VEPH1: variants seen among roughly 807,000 people sequenced by gnomAD.
VEPH1 encodes ventricular zone expressed PH domain containing 1, also known as ventricular zone-expressed PH domain-containing protein homolog 1.
VEPH1 carries 80 observed loss-of-function variants against 85.2 expected under a neutral mutation model. The observed-to-expected ratio is 0.94, with a 90% CI of 0.78 to 1.13. The LOEUF (loss-of-function observed/expected upper bound fraction) is 1.13. Ranked by LOEUF, VEPH1 falls within the 50% of genes most tolerant of loss-of-function variation. The pLI is 0.00. For missense variants in VEPH1, 955 were observed against 980.5 expected, an observed-to-expected ratio of 0.97 and a Z score of 0.35; for synonymous variants, 297 against 348.0, an observed-to-expected ratio of 0.85 and a Z score of 1.63.
chr3:157,431,200 G>A (rs1733122474), intron 4 of VEPH1, among the ~76,000 whole-genome samples: 1 of 152,156 alleles, frequency 6.6e-6, no homozygotes, highest in Admixed American at 6.5e-5. Flanking sequence ...CATGTAAGAC[G>A]TGCCTTGTTT....
chr3:157,294,109 A>G (rs1209751263), intron 11 of VEPH1, among the ~76,000 whole-genome samples: 1 of 152,136 alleles, frequency 6.6e-6, no homozygotes, highest in Non-Finnish European at 1.5e-5. Context: ...TACTACAGAG[A>G]ATGCTGATGT....
chr3:157,397,143 C>T (rs1471139232), intron 6 of VEPH1, among the ~76,000 whole-genome samples: 2 of 152,212 alleles, frequency 1.3e-5, no homozygotes, highest in Admixed American at 1.3e-4. Flanking sequence ...CAATTTTCTA[C>T]ATATGGCTAG....
chr3:157,501,616 T>G (rs1212255088), intron 1 of VEPH1, among the ~76,000 whole-genome samples: 2 of 152,148 alleles, frequency 1.3e-5, no homozygotes, highest in African/African-American at 4.8e-5. Flanking sequence ...AAAATATACA[T>G]GAACTGGAGG....
intron 11 of VEPH1, among the ~76,000 whole-genome samples, chr3:157,296,558 C>T (rs747370953): frequency 9.9e-5 from 15 of 152,144 alleles, no homozygotes; most frequent in African/African-American, 3.4e-4. Context: ...TTTCTTTTAA[C>T]TTTTAGCTCT....
intron 5 of VEPH1, among the ~76,000 whole-genome samples, chr3:157,420,470 T>A (rs1307821777): frequency 6.6e-6 from 1 of 152,214 alleles, no homozygotes; most frequent in Non-Finnish European, 1.5e-5. Flanking sequence ...GCATTAAGAA[T>A]CTACTAATCT....
At chr3:157,270,303 A>AAACAC (rs1348531064) in intron 12 of VEPH1, among the ~76,000 whole-genome samples, 3 of 151,694 alleles carry the variant, frequency 2.0e-5, no homozygotes, top group Non-Finnish European at 4.4e-5. Flanking sequence ...AAACAAAACA[A>AAACAC]AACACCAAAA....
intron 6 of VEPH1, among the ~76,000 whole-genome samples, chr3:157,384,850 T>C (rs572930328): frequency 6.6e-6 from 1 of 152,286 alleles, no homozygotes; most frequent in East Asian, 1.9e-4. Flanking sequence ...CTTCATGATA[T>C]TTTGCCTCTG....
At chr3:157,441,606 A>G (rs1347374775) in intron 4 of VEPH1, among the ~76,000 whole-genome samples, 1 of 152,042 alleles carries the variant, frequency 6.6e-6, no homozygotes, top group Non-Finnish European at 1.5e-5. Flanking sequence ...TCAGGAGTTC[A>G]AGACCAACCT....
At chr3:157,285,788 G>C (rs1559924753) in intron 12 of VEPH1, among the ~76,000 whole-genome samples, 1 of 152,192 alleles carries the variant, frequency 6.6e-6, no homozygotes, top group African/African-American at 2.4e-5. Flanking sequence ...TGGTGAAATG[G>C]TTAAGAGCAT....
chr3:157,323,930 T>C (rs1003381717), intron 9 of VEPH1, among the ~76,000 whole-genome samples: 1 of 152,202 alleles, frequency 6.6e-6, no homozygotes, highest in Admixed American at 6.5e-5. Context: ...GTGAGGAGCA[T>C]GCACATTTTA....
intron 2 of VEPH1, among the ~76,000 whole-genome samples, chr3:157,481,996 T>C (rs1738145914): frequency 6.6e-6 from 1 of 152,198 alleles, no homozygotes; most frequent in African/African-American, 2.4e-5. Flanking sequence ...TGCAGCTTTA[T>C]TTCTAGGTTC....
chr3:157,372,919 A>T (rs1282867303), intron 7 of VEPH1, among the ~76,000 whole-genome samples: 1 of 152,216 alleles, frequency 6.6e-6, no homozygotes, highest in Non-Finnish European at 1.5e-5. Context: ...TCACAGTCTG[A>T]TAAGAAACAG....
intron 6 of VEPH1, among the ~76,000 whole-genome samples, chr3:157,402,114 T>C (rs1485688400): frequency 2.0e-5 from 3 of 152,212 alleles, no homozygotes; most frequent in African/African-American, 7.2e-5. Flanking sequence ...GCCTATTATG[T>C]ACATTGTATG....
intron 3 of VEPH1, among the ~76,000 whole-genome samples, chr3:157,460,624 C>T (rs1022768006): frequency 1.3e-5 from 2 of 152,096 alleles, no homozygotes; most frequent in African/African-American, 4.8e-5. Flanking sequence ...AGAAGGAGCA[C>T]TCAATCCAGT....
At chr3:157,314,802 A>G (rs1720557448) in intron 10 of VEPH1, among the ~76,000 whole-genome samples, 1 of 152,136 alleles carries the variant, frequency 6.6e-6, no homozygotes, top group Non-Finnish European at 1.5e-5. Context: ...TTGATCAGTA[A>G]GAATGTGAAC....
intron 11 of VEPH1, among the ~76,000 whole-genome samples, chr3:157,308,913 T>A (rs1719807458): frequency 1.3e-5 from 2 of 152,136 alleles, no homozygotes; most frequent in South Asian, 4.1e-4. Flanking sequence ...CTAATTGATG[T>A]TAAATGAACA....
At chr3:157,362,187 T>C (rs1726125317) in intron 9 of VEPH1, among the ~76,000 whole-genome samples, 1 of 151,996 alleles carries the variant, frequency 6.6e-6, no homozygotes, top group Non-Finnish European at 1.5e-5. Flanking sequence ...TCAGCCACCA[T>C]GGCCTGCTAA....
At chr3:157,493,163 C>G (rs1179339078) in intron 2 of VEPH1, 3 of 432,446 alleles carry the variant, frequency 6.9e-6, no homozygotes, top group African/African-American at 6.2e-5. Flanking sequence ...AATTGAGAAG[C>G]AGGTAAAAAT....
In VEPH1 at chr3:157,442,509, T is replaced by C. The variant is rs759857061; in HGVS notation, c.530-14021A>G. 16 of 1,614,168 alleles carry C rather than the reference T, an allele frequency of 9.9e-6. No individual in the cohort carries two copies. In the Admixed American group the frequency reaches 2.7e-4, roughly 27 times the overall value. On this transcript the variant is annotated intron_variant, in intron 4 of 13. Transcript: ENST00000362010. ...TGTATTAAACAAAACCATCCTGTTT[T>C]CCTATGGCACAAAGAGGAATCCATA...
Sources: allele counts gnomAD v4.1 joint callset (sites outside exome capture counted in the v4.1 genomes callset), GRCh38; gene constraint gnomAD v4.1.1; transcripts MANE v1.5; gene names NCBI Gene and HGNC (gene_info 2026-07-23, HGNC 2026-07-21).